Variants in NBAS observed in about 807,000 individuals in gnomAD.
NBAS encodes NBAS subunit of NRZ tethering complex.
NBAS carries 219 observed loss-of-function variants against 302.5 expected under a neutral mutation model. The ratio of observed to expected loss-of-function variants is 0.72; its 90% CI spans 0.65 to 0.81. The LOEUF (loss-of-function observed/expected upper bound fraction) is 0.81, where lower values mean the gene tolerates loss of function less well. Ranked by LOEUF, NBAS falls within the 30% of genes least tolerant of loss-of-function variation. NBAS has a pLI of 0.00. For synonymous variants in NBAS, 1,118 were observed against 1,021.6 expected, an observed-to-expected ratio of 1.09 and a Z score of -1.80; for missense variants, 2,932 against 2,841.6, an observed-to-expected ratio of 1.03 and a Z score of -0.72.
intron 51 of NBAS, among the ~76,000 whole-genome samples, chr2:15,172,162 G>A (rs1238289424): frequency 6.6e-6 from 1 of 152,176 alleles, no homozygotes; most frequent in Non-Finnish European, 1.5e-5. Context: ...TCAGCTTTAG[G>A]TGTTAATATT....
intron 7 of NBAS, 131 bp downstream of exon 7, chr2:15,539,092 G>A (rs1472057718): frequency 8.3e-7 from 1 of 1,209,858 alleles, no homozygotes; most frequent in East Asian, 2.5e-5. Flanking sequence ...TAGATTCTGG[G>A]CGTCTTAAGT....
chr2:15,057,358 AAG>A, the NBAS span, among the ~76,000 whole-genome samples: 4 of 149,054 alleles, frequency 2.7e-5, no homozygotes, highest in Admixed American at 6.7e-5. Flanking sequence ...GATTGGGCAG[AAG>A]AGAGAGAGAG....
At chr2:14,793,287 A>G in the NBAS span, among the ~76,000 whole-genome samples, 27 of 152,338 alleles carry the variant, frequency 1.8e-4, no homozygotes, top group East Asian at 4.0e-3. Flanking sequence ...TGATTAAAAC[A>G]AACAGTCATC....
chr2:15,085,757 T>C, the NBAS span, among the ~76,000 whole-genome samples: 1 of 152,188 alleles, frequency 6.6e-6, no homozygotes, highest in East Asian at 1.9e-4. Flanking sequence ...TTCTCCCCAC[T>C]GTGGGCACCA....
chr2:15,400,533 A>ATTGC (rs1247931566), intron 26 of NBAS, among the ~76,000 whole-genome samples: 2 of 152,150 alleles, frequency 1.3e-5, no homozygotes, highest in African/African-American at 4.8e-5. Context: ...CAAAATCAAA[A>ATTGC]AATAACAACA....
chr2:14,958,191 G>A, the NBAS span, among the ~76,000 whole-genome samples: 1 of 152,238 alleles, frequency 6.6e-6, no homozygotes, highest in Non-Finnish European at 1.5e-5. Context: ...CATTTTACTG[G>A]TAGAGACAGA....
Position 15,427,786 on chromosome 2 carries a change from C to A in NBAS, c.2348G>T (p.Gly783Val). The change falls in exon 22 of 52, where the codon GGT (glycine) becomes GTT (valine). Residue 783 changes from glycine (G) to valine (V), a missense_variant. Transcript: ENST00000281513. ...SVLLPEACFN[G>V]DSLMIIPWHE... ...CCAAGGAATGATCATCAGGGAGTCA[C>A]CGTTAAAACTCAAATTTAAAAAAAA... is the stretch of plus-strand genomic sequence containing the variant. The A allele has an allele frequency of 6.2e-7, 1 of 1,611,974 alleles. No individual in the cohort carries two copies. The highest frequency in any genetic ancestry group is 8.5e-7 in the Non-Finnish European group (1 of 1,178,742).
At chr2:15,379,173 A>G (rs1674901045) in intron 30 of NBAS, among the ~76,000 whole-genome samples, 2 of 147,836 alleles carry the variant, frequency 1.4e-5, no homozygotes, top group Non-Finnish European at 3.0e-5. Flanking sequence ...TTTATCATCT[A>G]ATCAGGTCCC....
the NBAS span, among the ~76,000 whole-genome samples, chr2:14,955,062 G>A: frequency 2.2e-4 from 34 of 152,210 alleles, 1 homozygote; most frequent in Admixed American, 2.1e-3. Flanking sequence ...TCAAAACCAA[G>A]TTAGTTACTT....
chr2:15,115,665 C>T, the NBAS span, among the ~76,000 whole-genome samples: 2 of 151,952 alleles, frequency 1.3e-5, no homozygotes, highest in Non-Finnish European at 2.9e-5. Context: ...CTCCACCATG[C>T]TCAGCTAATT....
the NBAS span, among the ~76,000 whole-genome samples, chr2:15,127,570 G>A: frequency 6.6e-6 from 1 of 152,174 alleles, no homozygotes; most frequent in African/African-American, 2.4e-5. Context: ...TAGGTTACCT[G>A]GGCCCAGCAA....
intron 48 of NBAS, among the ~76,000 whole-genome samples, chr2:15,197,979 A>G (rs1340314596): frequency 4.6e-5 from 7 of 152,204 alleles, no homozygotes; most frequent in Admixed American, 3.3e-4. Context: ...TTTCCATGAG[A>G]AGTAGATTAT....
intron 40 of NBAS, among the ~76,000 whole-genome samples, chr2:15,305,025 G>A (rs1250189520): frequency 3.3e-5 from 5 of 152,122 alleles, no homozygotes; most frequent in Non-Finnish European, 7.4e-5. Context: ...GTTAGTGCTA[G>A]AACAAATTAA....
At chr2:15,441,592 C>T (rs1331447858) in intron 21 of NBAS, among the ~76,000 whole-genome samples, 6 of 151,530 alleles carry the variant, frequency 4.0e-5, no homozygotes, top group Non-Finnish European at 8.8e-5. Flanking sequence ...GAAGAAACTG[C>T]ATCAACTAAC....
At chr2:15,558,739 GT>G in intron 1 of NBAS, 105 bp from the exon 2 acceptor site, 1 of 898,400 alleles carries the variant, frequency 1.1e-6, no homozygotes, top group Non-Finnish European at 1.8e-6. Context: ...AATACTCAGA[GT>G]TTTGGGCACA....
At chr2:14,894,677 A>G in the NBAS span, among the ~76,000 whole-genome samples, 1 of 152,184 alleles carries the variant, frequency 6.6e-6, no homozygotes, top group East Asian at 1.9e-4. Context: ...GAGAGAATGA[A>G]TAAGCGTTGA....
At chr2:15,371,299 T>C (rs1674472407) in intron 31 of NBAS, among the ~76,000 whole-genome samples, 1 of 151,904 alleles carries the variant, frequency 6.6e-6, no homozygotes, top group African/African-American at 2.4e-5. Flanking sequence ...CTTACCTTTA[T>C]AAATTACCCA....
chr2:15,513,559 A>C (rs1662241112), intron 9 of NBAS, among the ~76,000 whole-genome samples: 1 of 152,180 alleles, frequency 6.6e-6, no homozygotes. Context: ...ACAAAGATGC[A>C]ATCAACAAAA....
At chr2:15,544,749 T>C (rs1193705190) in intron 6 of NBAS, among the ~76,000 whole-genome samples, 3 of 152,204 alleles carry the variant, frequency 2.0e-5, no homozygotes, top group African/African-American at 4.8e-5. Context: ...TCAGGGCTCA[T>C]GCCTGTAATC....
Sources: gnomAD v4.1 joint callset for allele counts (sites outside exome capture counted in the v4.1 genomes callset) on GRCh38, gnomAD v4.1.1 for gene constraint, MANE v1.5 for transcripts, NCBI Gene and HGNC (gene_info 2026-07-23, HGNC 2026-07-21) for gene names.